PLPPR1: variants seen among roughly 807,000 people sequenced by gnomAD.
The protein encoded by PLPPR1 is phospholipid phosphatase-related protein type 1.
PLPPR1 carries 10 observed loss-of-function variants against 33.1 expected under a neutral mutation model. The ratio of observed to expected loss-of-function variants is 0.30; its 90% CI spans 0.19 to 0.51. PLPPR1 has a LOEUF of 0.51. PLPPR1 is among the 20% of genes least tolerant of loss of function. PLPPR1 has a pLI of 0.97. For missense variants in PLPPR1, 304 were observed against 408.1 expected (o/e 0.74, Z 2.20); for synonymous variants, 151 against 151.0 (o/e 1.00, Z 0.00).
intron 4 of PLPPR1, among the ~76,000 whole-genome samples, chr9:101,300,335 A>G (rs1025975200): frequency 1.3e-5 from 2 of 152,064 alleles, no homozygotes; most frequent in Admixed American, 1.3e-4. Flanking sequence ...CACCACACCC[A>G]GCTAATTTTA....
intron 2 of PLPPR1, among the ~76,000 whole-genome samples, chr9:101,218,327 C>T (rs1588077751): frequency 6.6e-6 from 1 of 152,076 alleles, no homozygotes; most frequent in South Asian, 2.1e-4. Context: ...CTATTGTATG[C>T]ATAATGATAA....
intron 1 of PLPPR1, among the ~76,000 whole-genome samples, chr9:101,029,828 A>G (rs1357703864): frequency 6.6e-6 from 1 of 152,122 alleles, no homozygotes; most frequent in Non-Finnish European, 1.5e-5. Flanking sequence ...CTTCACGCAC[A>G]CCATCGCGGC....
intron 1 of PLPPR1, among the ~76,000 whole-genome samples, chr9:101,108,268 G>A (rs922291156): frequency 1.3e-5 from 2 of 152,160 alleles, no homozygotes; most frequent in Non-Finnish European, 2.9e-5. Flanking sequence ...CTTGAATCAG[G>A]TAATGCATGA....
chr9:101,075,746 T>G (rs910278068), intron 1 of PLPPR1, among the ~76,000 whole-genome samples: 1 of 152,200 alleles, frequency 6.6e-6, no homozygotes, highest in Non-Finnish European at 1.5e-5. Flanking sequence ...AATAAGCATA[T>G]AAGCAATTAA....
intron 1 of PLPPR1, among the ~76,000 whole-genome samples, chr9:101,039,867 A>C (rs529578820): frequency 6.6e-6 from 1 of 151,768 alleles, no homozygotes; most frequent in African/African-American, 2.4e-5. Context: ...GAATTGTGGG[A>C]ATTACAATTC....
At chr9:101,291,325 C>T (rs540451911) in intron 4 of PLPPR1, among the ~76,000 whole-genome samples, 3 of 152,366 alleles carry the variant, frequency 2.0e-5, no homozygotes, top group African/African-American at 7.2e-5. Flanking sequence ...CTCACAGAGG[C>T]CTGCCTGCCT....
At chr9:101,110,742 T>C (rs1434621765) in intron 1 of PLPPR1, among the ~76,000 whole-genome samples, 1 of 152,176 alleles carries the variant, frequency 6.6e-6, no homozygotes, top group Non-Finnish European at 1.5e-5. Context: ...ACATCTAAAG[T>C]GCAGGGTGGC....
intron 1 of PLPPR1, among the ~76,000 whole-genome samples, chr9:101,133,514 G>A (rs1424689131): frequency 2.0e-5 from 3 of 152,172 alleles, no homozygotes; most frequent in Non-Finnish European, 4.4e-5. Flanking sequence ...CACTTTAGCT[G>A]CAAAAACTGA....
intron 1 of PLPPR1, among the ~76,000 whole-genome samples, chr9:101,147,054 CAG>C (rs1386258351): frequency 6.6e-6 from 1 of 152,126 alleles, no homozygotes; most frequent in Non-Finnish European, 1.5e-5. Flanking sequence ...TAAAACTAAA[CAG>C]AAACTATATG....
intron 1 of PLPPR1, among the ~76,000 whole-genome samples, chr9:101,053,255 G>T (rs1248795299): frequency 6.6e-6 from 1 of 152,098 alleles, no homozygotes; most frequent in Non-Finnish European, 1.5e-5. Context: ...CCTCCTGGAG[G>T]CTTCTTCCCG....
rs1370084790 is a variant in PLPPR1, at chr9:101,253,882, G to T, written c.64-15998G>T. ...CTTAAATATGTATATACCCTGAAAAGTATGTAGTGTTTTTAGTACATGTTT... is the reference window on the plus strand; with the variant it reads ...CTTAAATATGTATATACCCTGAAAATTATGTAGTGTTTTTAGTACATGTTT... On this transcript the variant is annotated intron_variant, in intron 2 of 7. Transcript: ENST00000374874. 3.3e-5 allele frequency among the ~76,000 whole-genome samples: 5 copies of T among 152,204 alleles called. No homozygotes were observed. In the East Asian group the frequency reaches 9.7e-4, roughly 29 times the overall value.
At chr9:101,311,054 T>C (rs1235811662) in intron 5 of PLPPR1, among the ~76,000 whole-genome samples, 1 of 152,162 alleles carries the variant, frequency 6.6e-6, no homozygotes, top group Non-Finnish European at 1.5e-5. Flanking sequence ...TTTTCCTAAT[T>C]ATCTAGAACC....
intron 1 of PLPPR1, among the ~76,000 whole-genome samples, chr9:101,067,991 T>A (rs1830439197): frequency 6.6e-6 from 1 of 152,090 alleles, no homozygotes; most frequent in Admixed American, 6.6e-5. Context: ...CTTAACATAA[T>A]GCTAAATGCT....
At chr9:101,036,815 C>T (rs964117372) in intron 1 of PLPPR1, among the ~76,000 whole-genome samples, 2 of 151,648 alleles carry the variant, frequency 1.3e-5, no homozygotes, top group Admixed American at 6.6e-5. Context: ...ATGTACCATA[C>T]GAGCTACTAC....
intron 1 of PLPPR1, among the ~76,000 whole-genome samples, chr9:101,153,457 C>T (rs1219767992): frequency 3.3e-5 from 5 of 152,154 alleles, no homozygotes; most frequent in Admixed American, 2.6e-4. Flanking sequence ...GAGAGGGCAT[C>T]CCTGTCTTGT....
intron 1 of PLPPR1, among the ~76,000 whole-genome samples, chr9:101,110,343 T>A (rs77181822): frequency 6.6e-6 from 1 of 152,190 alleles, no homozygotes; most frequent in African/African-American, 2.4e-5. Context: ...TAATACTCAG[T>A]GTTGCTGAGG....
chr9:101,070,101 AC>A (rs1311320325), intron 1 of PLPPR1, among the ~76,000 whole-genome samples: 2 of 151,788 alleles, frequency 1.3e-5, no homozygotes, highest in Admixed American at 1.3e-4. Context: ...TTTTGTCCCT[AC>A]CCCCTTCCGT....
chr9:101,200,674 TTCTGTGAAATTTAATGG>T (rs1826476415), intron 2 of PLPPR1, among the ~76,000 whole-genome samples: 1 of 152,180 alleles, frequency 6.6e-6, no homozygotes, highest in Non-Finnish European at 1.5e-5. Context: ...GTCCCCATCC[TTCTGTGAAATTTAATGG>T]GTTCCACATC....
chr9:101,041,080 A>G (rs1404195116), intron 1 of PLPPR1, among the ~76,000 whole-genome samples: 1 of 152,198 alleles, frequency 6.6e-6, no homozygotes, highest in Non-Finnish European at 1.5e-5. Context: ...TCCCCAATGT[A>G]GGGGCTTGGT....
Sources: allele counts gnomAD v4.1 joint callset (sites outside exome capture counted in the v4.1 genomes callset), GRCh38; gene constraint gnomAD v4.1.1; transcripts MANE v1.5; gene names NCBI Gene and HGNC (gene_info 2026-07-23, HGNC 2026-07-21).